The following ENO4 variants were observed in gnomAD, a reference collection of about 807,000 sequenced individuals.
ENO4 encodes enolase 4, also known as 2-phospho-D-glycerate hydro-lyase.
Under a neutral mutation model 63.2 loss-of-function variants are expected in ENO4, and 53 were observed. The ratio of observed to expected loss-of-function variants is 0.84; its 90% confidence interval spans 0.67 to 1.05. The LOEUF (loss-of-function observed/expected upper bound fraction) is 1.05. Ranked by LOEUF, ENO4 falls within the 50% of genes least tolerant of loss-of-function variation. The probability of loss-of-function intolerance (pLI) is 0.00; values close to 1 mark genes in which losing one functional copy is unlikely to be tolerated. For synonymous variants in ENO4, 266 were observed against 283.8 expected (o/e 0.94, Z 0.63); for missense variants, 719 against 772.0 (o/e 0.93, Z 0.81).
chr10:116,851,870 C>A (rs1244333312), intron 1 of ENO4, among the ~76,000 whole-genome samples: 2 of 152,088 alleles, frequency 1.3e-5, no homozygotes, highest in Admixed American at 6.6e-5. Flanking sequence ...CACCACATCT[C>A]CCCCTTGACT....
chr10:116,867,976 A>G (rs948983670), intron 7 of ENO4, among the ~76,000 whole-genome samples: 7 of 152,250 alleles, frequency 4.6e-5, no homozygotes, highest in East Asian at 3.9e-4. Flanking sequence ...ATGCTTGACA[A>G]TCCTGCCTCA....
chr10:116,892,785 G>A (rs923507770), intron 10 of ENO4, among the ~76,000 whole-genome samples: 5 of 152,096 alleles, frequency 3.3e-5, no homozygotes, highest in Non-Finnish European at 7.4e-5. Context: ...ATCTGACATT[G>A]CATTTGAGTT....
At chr10:116,862,655 A>G (rs1193968607) in intron 6 of ENO4, 144 bp from the exon 7 acceptor site, 1 of 614,298 alleles carries the variant, frequency 1.6e-6, no homozygotes, top group Non-Finnish European at 2.9e-6. Context: ...ATTAACATTT[A>G]ATCTACTGAT....
At position 116,880,117 on chromosome 10, in the gene ENO4, C is replaced by T. The variant is rs562785627; in HGVS notation, c.1723+131C>T. On this transcript the variant is annotated intron_variant, in intron 13 of 13. Coordinates refer to ENST00000341276, the MANE Select transcript of ENO4 (RefSeq NM_001242699.2). ...AGACCATACATAAGTGCTGACAAAACTAGGATGGCACTTGCCACAATGTAT... is the reference window on the plus strand; with the variant it reads ...AGACCATACATAAGTGCTGACAAAATTAGGATGGCACTTGCCACAATGTAT... 6.5e-6 allele frequency: 4 copies of T among 617,936 alleles called. No homozygotes were observed. The South Asian group carries it at 9.8e-5, about 15-fold the overall frequency. 38.3% of individuals were successfully genotyped at this position (617,936 alleles called of 1,614,324 possible).
downstream of ENO4, chr10:116,911,914 T>C: frequency 3.7e-6 from 4 of 1,078,168 alleles, no homozygotes; most frequent in East Asian, 4.7e-5. Context: ...GATTTTTACA[T>C]GGCAAACTAT....
At chr10:116,898,244 C>T (rs1360276724) in intron 10 of ENO4, among the ~76,000 whole-genome samples, 1 of 151,864 alleles carries the variant, frequency 6.6e-6, no homozygotes, top group Non-Finnish European at 1.5e-5. Flanking sequence ...AAGAGAATCG[C>T]TTGAACTTGG....
chr10:116,885,207 C>A (rs942276405), downstream of ENO4: 2 of 152,526 alleles, frequency 1.3e-5, no homozygotes, highest in African/African-American at 2.4e-5. Context: ...ACATGCTGAG[C>A]CATGCTAACA....
intron 10 of ENO4, chr10:116,911,354 C>A: frequency 9.5e-7 from 1 of 1,049,262 alleles, no homozygotes; most frequent in Non-Finnish European, 1.3e-6. Context: ...TGAGGAAAGG[C>A]AGACTGTGAC....
In ENO4 at chr10:116,878,384, T is replaced by C. The variant is rs566929919; in HGVS notation, c.1538-907T>C. Among the ~76,000 whole-genome samples, 4 of 152,274 alleles carry C rather than the reference T, an allele frequency of 2.6e-5. No individual in the cohort carries two copies. The South Asian group carries it at 6.2e-4, about 24-fold the overall frequency. ...TAGATAGGAGGCAATGCAAACACCGTTGCTGCAGGAAGAGCTCTGGCTGGC... is the reference window on the plus strand; with the variant it reads ...TAGATAGGAGGCAATGCAAACACCGCTGCTGCAGGAAGAGCTCTGGCTGGC... On this transcript the variant is annotated intron_variant, in intron 11 of 13. Transcript: ENST00000341276.
downstream of ENO4, among the ~76,000 whole-genome samples, chr10:116,887,114 G>A (rs147090502): frequency 6.6e-6 from 1 of 152,172 alleles, no homozygotes; most frequent in Non-Finnish European, 1.5e-5. Context: ...ACTTCAGGAG[G>A]GGGTGGTGGT....
At chr10:116,886,209 G>A, downstream of ENO4, 1 of 1,246,688 alleles carries the variant, frequency 8.0e-7, no homozygotes, top group South Asian at 1.6e-5. Flanking sequence ...ACTTACAAAA[G>A]TGACACCAGA....
At chr10:116,911,643 T>C in exon 11 of ENO4, 1 of 1,560,900 alleles carries the variant, frequency 6.4e-7, no homozygotes, top group Non-Finnish European at 8.7e-7. Context: ...GAGCAGTCTG[T>C]AAGCACGATC....
chr10:116,851,589 C>A (rs140564174), intron 1 of ENO4, among the ~76,000 whole-genome samples: 1 of 152,238 alleles, frequency 6.6e-6, no homozygotes, highest in African/African-American at 2.4e-5. Flanking sequence ...CTCCCTCTAT[C>A]TAGTTCATCC....
In ENO4 at chr10:116,849,587, C is replaced by T. The variant is rs926723461; in HGVS notation, c.21C>T (p.Gly7=). 6 of 1,545,562 alleles carry T rather than the reference C, an allele frequency of 3.9e-6. No individual in the cohort carries two copies. The African/African-American group carries it at 8.2e-5, about 21-fold the overall frequency. ...CTACCATGGAGGAAGAAGGCGGCGGCCGCAGCTGTGGGACCACTAGGGAGC... is the reference window on the plus strand; with the variant it reads ...CTACCATGGAGGAAGAAGGCGGCGGTCGCAGCTGTGGGACCACTAGGGAGC... MEEEGG[G]RSCGTTRELQ... is the part of the protein sequence containing the mutation. The change falls in exon 1 of 14, where the codon GGC becomes GGT. Residue 7 remains glycine (G), a synonymous_variant. Coordinates refer to ENST00000341276, the MANE Select transcript of ENO4 (RefSeq NM_001242699.2).
At chr10:116,878,738 ATATCTTT>A (rs1846906502) in intron 11 of ENO4, among the ~76,000 whole-genome samples, 2 of 86,404 alleles carry the variant, frequency 2.3e-5, no homozygotes, top group Admixed American at 3.6e-4. Context: ...TACAAATCAT[ATATCTTT>A]TTTTTTTTTT....
At chr10:116,854,916 G>T (rs1397828536) in intron 1 of ENO4, among the ~76,000 whole-genome samples, 1 of 124,754 alleles carries the variant, frequency 8.0e-6, no homozygotes, top group Non-Finnish European at 1.6e-5. Flanking sequence ...TCTCCAGCCT[G>T]GCTGACAGAG....
intron 10 of ENO4, among the ~76,000 whole-genome samples, chr10:116,898,451 G>A (rs975284643): frequency 6.6e-6 from 1 of 151,962 alleles, no homozygotes; most frequent in African/African-American, 2.4e-5. Flanking sequence ...TTAATCAACA[G>A]AAGAGCATGA....
At chr10:116,884,279 C>G (rs1054505499), downstream of ENO4, 1 of 458,942 alleles carries the variant, frequency 2.2e-6, no homozygotes, top group Non-Finnish European at 4.4e-6. Flanking sequence ...CAGCCAGGGG[C>G]AAAACCCCCT....
intron 7 of ENO4, among the ~76,000 whole-genome samples, chr10:116,866,915 T>C (rs1846564161): frequency 6.6e-6 from 1 of 152,264 alleles, no homozygotes; most frequent in East Asian, 1.9e-4. Context: ...GTTTAATCCT[T>C]CCCAGTGATT....
Sources: gnomAD v4.1 joint callset for allele counts (sites outside exome capture counted in the v4.1 genomes callset) on GRCh38, gnomAD v4.1.1 for gene constraint, MANE v1.5 for transcripts, NCBI Gene and HGNC (gene_info 2026-07-23, HGNC 2026-07-21) for gene names.